The following STAC variants were observed in gnomAD, a reference collection of about 807,000 sequenced individuals.
STAC encodes SH3 and cysteine-rich domain-containing protein.
STAC carries 43 observed loss-of-function variants against 48.8 expected under a neutral mutation model. The ratio of observed to expected loss-of-function variants is 0.88; its 90% CI spans 0.69 to 1.14. The LOEUF is 1.14. Among genes scored for constraint, STAC ranks in the 50% most tolerant of loss-of-function variants. The pLI is 0.00. For synonymous variants in STAC, 193 were observed against 179.5 expected, an observed-to-expected ratio of 1.07 and a Z score of -0.60; for missense variants, 497 against 504.0, an observed-to-expected ratio of 0.99 and a Z score of 0.13.
At chr3:36,537,689 C>G (rs1699231370) in intron 10 of STAC, among the ~76,000 whole-genome samples, 1 of 151,930 alleles carries the variant, frequency 6.6e-6, no homozygotes, top group Non-Finnish European at 1.5e-5. Context: ...ACATCCTGCA[C>G]ATATATCCTG....
chr3:36,502,744 C>T (rs1698309616), intron 6 of STAC, among the ~76,000 whole-genome samples: 1 of 152,050 alleles, frequency 6.6e-6, no homozygotes, highest in Admixed American at 6.6e-5. Context: ...CATACATTAC[C>T]AGAAAAAGGT....
At chr3:36,382,869 A>G (rs1199290453) in intron 1 of STAC, among the ~76,000 whole-genome samples, 2 of 152,224 alleles carry the variant, frequency 1.3e-5, no homozygotes, top group African/African-American at 4.8e-5. Flanking sequence ...GAAAATGTGA[A>G]CAAGACAGTA....
chr3:36,437,930 A>ATTATT (rs1435230330), intron 1 of STAC, among the ~76,000 whole-genome samples: 2 of 95,654 alleles, frequency 2.1e-5, no homozygotes, highest in East Asian at 5.5e-4. Context: ...ATATTCATTG[A>ATTATT]GTTATTATTA....
chr3:36,468,715 A>C (rs55704486), intron 2 of STAC, among the ~76,000 whole-genome samples: 8 of 147,116 alleles, frequency 5.4e-5, no homozygotes, highest in Non-Finnish European at 1.0e-4. Context: ...TATATATAAA[A>C]TACATATATA....
At chr3:36,490,668 C>T (rs932116816) in intron 5 of STAC, among the ~76,000 whole-genome samples, 19 of 152,106 alleles carry the variant, frequency 1.2e-4, no homozygotes, top group African/African-American at 4.6e-4. Context: ...CTGAGCTTTG[C>T]TGACCTATGA....
At position 36,520,382 on chromosome 3, in the gene STAC, G is replaced by C. The variant is rs563205895; in HGVS notation, c.921-8314G>C. 2.6e-5 allele frequency among the ~76,000 whole-genome samples: 4 copies of C among 152,218 alleles called. No individual in the cohort carries two copies. The South Asian group carries it at 8.3e-4, about 32-fold the overall frequency. ...ACAACTGTGACTTATCCAAAGATAGGCAGTGGGCCAGTGGCAGACTCAAAA... is the reference window on the plus strand; with the variant it reads ...ACAACTGTGACTTATCCAAAGATAGCCAGTGGGCCAGTGGCAGACTCAAAA... On this transcript the variant is annotated intron_variant, in intron 8 of 10. Transcript: ENST00000273183.
intron 3 of STAC, 67 bp downstream of exon 3, chr3:36,483,159 T>C (rs527321458): frequency 3.2e-6 from 4 of 1,236,872 alleles, no homozygotes; most frequent in East Asian, 2.4e-5. Context: ...TGCAGTGAGA[T>C]CACCCCCTCC....
At chr3:36,384,724 T>C (rs1699580628) in intron 1 of STAC, among the ~76,000 whole-genome samples, 1 of 152,134 alleles carries the variant, frequency 6.6e-6, no homozygotes, top group Non-Finnish European at 1.5e-5. Flanking sequence ...GATTTAGATT[T>C]TGAAATGGTG....
intron 7 of STAC, among the ~76,000 whole-genome samples, chr3:36,504,693 A>G (rs566817250): frequency 6.6e-6 from 1 of 152,262 alleles, no homozygotes; most frequent in South Asian, 2.1e-4. Context: ...TATAATGTGT[A>G]GATTATAGAA....
chr3:36,508,220 T>C (rs796929887), intron 8 of STAC, among the ~76,000 whole-genome samples: 3 of 152,318 alleles, frequency 2.0e-5, no homozygotes, highest in African/African-American at 7.2e-5. Flanking sequence ...TTCCATGTAG[T>C]TGTGTGGTTT....
intron 6 of STAC, among the ~76,000 whole-genome samples, chr3:36,500,675 T>C (rs1161666892): frequency 6.6e-6 from 1 of 152,190 alleles, no homozygotes; most frequent in East Asian, 1.9e-4. Flanking sequence ...ATTTCATGAA[T>C]TTCAAATAAT....
At chr3:36,507,833 C>G (rs895351402) in intron 8 of STAC, among the ~76,000 whole-genome samples, 6 of 152,060 alleles carry the variant, frequency 3.9e-5, no homozygotes, top group African/African-American at 1.4e-4. Flanking sequence ...GTCTGGCTAG[C>G]AGTCTATCTA....
At chr3:36,489,210 C>T (rs1697900699) in intron 5 of STAC, among the ~76,000 whole-genome samples, 1 of 152,154 alleles carries the variant, frequency 6.6e-6, no homozygotes, top group Admixed American at 6.5e-5. Flanking sequence ...TAGTGAGTAT[C>T]TAGGTCCCGT....
intron 2 of STAC, among the ~76,000 whole-genome samples, chr3:36,453,019 T>A (rs1460528909): frequency 6.6e-6 from 1 of 152,232 alleles, no homozygotes; most frequent in Non-Finnish European, 1.5e-5. Flanking sequence ...AAATTGCTAA[T>A]GGGAGGATAT....
At chr3:36,520,525 GT>G (rs1698775225) in intron 8 of STAC, among the ~76,000 whole-genome samples, 2 of 152,312 alleles carry the variant, frequency 1.3e-5, no homozygotes, top group South Asian at 4.2e-4. Context: ...TCAAGGCAGA[GT>G]AAGACAGAAT....
In STAC at chr3:36,442,401, A is replaced by G. The variant is rs113071742; in HGVS notation, c.112-963A>G. 2.6e-4 allele frequency among the ~76,000 whole-genome samples: 40 copies of G among 152,328 alleles called. 1 individual carries two copies. The Middle Eastern group carries it at 0.014, about 52-fold the overall frequency. On this transcript the variant is annotated intron_variant, in intron 1 of 10. Transcript: ENST00000273183. Reference sequence around the variant, plus strand: ...GTGAAGTGACTTGTTGCTGGGTGAAAAGAAAAACTATGTACTAAGGACTAG... The same window carrying G: ...GTGAAGTGACTTGTTGCTGGGTGAAGAGAAAAACTATGTACTAAGGACTAG...
At chr3:36,481,940 A>G (rs760494967) in intron 2 of STAC, among the ~76,000 whole-genome samples, 1 of 152,208 alleles carries the variant, frequency 6.6e-6, no homozygotes, top group Non-Finnish European at 1.5e-5. Flanking sequence ...CCTTCTCATC[A>G]TGGTAAAGGA....
chr3:36,397,772 A>T (rs114336815), intron 1 of STAC, among the ~76,000 whole-genome samples: 3,021 of 152,290 alleles, frequency 0.02, 96 homozygotes, highest in African/African-American at 0.068. Context: ...TAGAATTTCA[A>T]GGATTTTATG....
At chr3:36,447,032 C>T (rs1424070038) in intron 2 of STAC, among the ~76,000 whole-genome samples, 4 of 152,126 alleles carry the variant, frequency 2.6e-5, no homozygotes, top group African/African-American at 9.7e-5. Flanking sequence ...GGAGTGCCCT[C>T]AGCAGAAGGA....
Sources: allele counts gnomAD v4.1 joint callset (sites outside exome capture counted in the v4.1 genomes callset), GRCh38; gene constraint gnomAD v4.1.1; transcripts MANE v1.5; gene names NCBI Gene and HGNC (gene_info 2026-07-23, HGNC 2026-07-21).